TRMT11: variants seen among roughly 807,000 people sequenced by gnomAD.
TRMT11 encodes the protein tRNA methyltransferase 11.
TRMT11 carries 53 observed loss-of-function variants against 62.8 expected under a neutral mutation model. The ratio of observed to expected loss-of-function variants is 0.84; its 90% CI spans 0.68 to 1.06. The LOEUF (loss-of-function observed/expected upper bound fraction) is 1.06, where lower values mean the gene tolerates loss of function less well. Ranked by LOEUF, TRMT11 falls within the 50% of genes least tolerant of loss-of-function variation. The probability of loss-of-function intolerance (pLI) is 0.00; values close to 1 mark genes in which losing one functional copy is unlikely to be tolerated. For synonymous variants in TRMT11, 188 were observed against 190.3 expected (o/e 0.99, Z 0.10); for missense variants, 556 against 553.4 (o/e 1.00, Z -0.05).
intron 12 of TRMT11, among the ~76,000 whole-genome samples, chr6:126,027,357 C>T (rs1003148638): frequency 1.3e-5 from 2 of 152,150 alleles, no homozygotes; most frequent in South Asian, 2.1e-4. Flanking sequence ...AAAGAGCACC[C>T]AGGGTAGCCT....
the TRMT11 span, among the ~76,000 whole-genome samples, chr6:126,236,473 T>C: frequency 6.6e-6 from 1 of 152,216 alleles, no homozygotes; most frequent in Non-Finnish European, 1.5e-5. Context: ...CCTCTTCATG[T>C]CTATCTTGTA....
intron 17 of TRMT11, among the ~76,000 whole-genome samples, chr6:126,094,999 A>G (rs907442489): frequency 2.6e-5 from 4 of 152,218 alleles, no homozygotes; most frequent in Admixed American, 6.5e-5. Flanking sequence ...ACTTTCAAGT[A>G]TGATGCTTCT....
At chr6:126,007,209 A>G (rs1001563471) in intron 7 of TRMT11, among the ~76,000 whole-genome samples, 6 of 151,980 alleles carry the variant, frequency 3.9e-5, no homozygotes, top group African/African-American at 1.4e-4. Flanking sequence ...GGGTTCTAAA[A>G]AGAACTAGTC....
intron 17 of TRMT11, among the ~76,000 whole-genome samples, chr6:126,107,717 G>C (rs951962846): frequency 6.6e-6 from 1 of 152,130 alleles, no homozygotes. Flanking sequence ...ATTGCCCGTG[G>C]CTCGAAGCCC....
At chr6:126,171,398 A>T (rs1239580324) in intron 21 of TRMT11, among the ~76,000 whole-genome samples, 1 of 151,890 alleles carries the variant, frequency 6.6e-6, no homozygotes, top group Non-Finnish European at 1.5e-5. Context: ...TGTCAGTGGG[A>T]TGGTTTTATT....
intron 18 of TRMT11, among the ~76,000 whole-genome samples, chr6:126,114,228 T>A (rs972047123): frequency 6.6e-6 from 1 of 152,062 alleles, no homozygotes; most frequent in African/African-American, 2.4e-5. Flanking sequence ...TCGCAGCTGA[T>A]AACAGTTTGA....
the TRMT11 span, among the ~76,000 whole-genome samples, chr6:126,228,894 G>A: frequency 6.6e-6 from 1 of 152,068 alleles, no homozygotes; most frequent in African/African-American, 2.4e-5. Context: ...TCTTGGTTTC[G>A]CTCTAAGATG....
intron 12 of TRMT11, among the ~76,000 whole-genome samples, chr6:126,032,649 A>G (rs1774422115): frequency 6.6e-6 from 1 of 151,908 alleles, no homozygotes; most frequent in Non-Finnish European, 1.5e-5. Flanking sequence ...TTCTTCCCAT[A>G]TTCTTTTCTT....
In TRMT11 at chr6:126,081,719, A is replaced by G. The variant is rs535858299; in HGVS notation, c.*1437+28529A>G. On this transcript the variant is annotated intron_variant and NMD_transcript_variant, in intron 17 of 22. Coordinates refer to the TRMT11 transcript ENST00000648977. The stretch of plus-strand genomic sequence containing the variant: ...CTCCCACCTATTTACTGAGTTACCC[A>G]ATAGGCTGCCAGTTTTGATTGTGGA... Among the ~76,000 whole-genome samples the G allele has an allele frequency of 1.2e-4, 18 of 152,248 alleles. No individual in the cohort carries two copies. The South Asian group carries it at 3.5e-3, about 30-fold the overall frequency.
chr6:126,202,084 A>G (rs1778739637), exon 4 of TRMT11: 1 of 152,224 alleles, frequency 6.6e-6, no homozygotes, highest in Non-Finnish European at 1.5e-5. Context: ...ATTAAATAAC[A>G]TTGTTTAACC....
At chr6:126,027,854 A>T (rs895803714) in intron 12 of TRMT11, among the ~76,000 whole-genome samples, 1 of 152,242 alleles carries the variant, frequency 6.6e-6, no homozygotes, top group African/African-American at 2.4e-5. Context: ...GCTATGAAGT[A>T]CAAAAGAACC....
downstream of TRMT11, among the ~76,000 whole-genome samples, chr6:126,044,018 G>C (rs898187931): frequency 6.6e-6 from 1 of 151,662 alleles, no homozygotes; most frequent in Non-Finnish European, 1.5e-5. Flanking sequence ...TGTTCACTCT[G>C]ATGGTAGTTT....
chr6:126,059,609 T>G (rs1392003497), intron 17 of TRMT11, among the ~76,000 whole-genome samples: 3 of 152,214 alleles, frequency 2.0e-5, no homozygotes, highest in Non-Finnish European at 2.9e-5. Context: ...ATAACCATTT[T>G]ATGTCCTAGG....
intron 12 of TRMT11, among the ~76,000 whole-genome samples, chr6:126,028,295 G>A (rs1343300461): frequency 6.6e-6 from 1 of 152,118 alleles, no homozygotes; most frequent in Non-Finnish European, 1.5e-5. Context: ...ATTTATTGGT[G>A]AGAAAAACAA....
downstream of TRMT11, among the ~76,000 whole-genome samples, chr6:126,040,191 C>T (rs1375291127): frequency 6.6e-6 from 1 of 151,954 alleles, no homozygotes; most frequent in Admixed American, 6.6e-5. Flanking sequence ...TTTGGGTGGT[C>T]ACAAAGATTA....
chr6:126,151,842 C>CTTTCTTTCTTTCTTTCTTTG (rs1778051454), intron 21 of TRMT11, among the ~76,000 whole-genome samples: 9 of 130,280 alleles, frequency 6.9e-5, no homozygotes, highest in African/African-American at 2.6e-4. Flanking sequence ...TTCTTTCTTT[C>CTTTCTTTCTTTCTTTCTTTG]TTTCTTTCTT....
At chr6:125,989,912 AGTCTGGTTTGG>A (rs960835359) in intron 1 of TRMT11, among the ~76,000 whole-genome samples, 25 of 152,068 alleles carry the variant, frequency 1.6e-4, no homozygotes, top group African/African-American at 5.3e-4. Flanking sequence ...TGCTCCCTTT[AGTCTGGTTTGG>A]GTCTTTCCCA....
chr6:126,164,281 T>C (rs1423316361), intron 21 of TRMT11, among the ~76,000 whole-genome samples: 3 of 152,158 alleles, frequency 2.0e-5, no homozygotes, highest in Non-Finnish European at 4.4e-5. Flanking sequence ...TAGTTGCACC[T>C]GTGTTGAGTG....
chr6:126,021,795 C>T (rs1795851449), intron 12 of TRMT11, among the ~76,000 whole-genome samples: 2 of 152,172 alleles, frequency 1.3e-5, no homozygotes, highest in Non-Finnish European at 2.9e-5. Context: ...AAAATTCATA[C>T]TCTCTTACAT....
Sources: gnomAD v4.1 joint callset for allele counts (sites outside exome capture counted in the v4.1 genomes callset) on GRCh38, gnomAD v4.1.1 for gene constraint, MANE v1.5 for transcripts, NCBI Gene and HGNC (gene_info 2026-07-23, HGNC 2026-07-21) for gene names.